The following CSDE1 variants were observed in gnomAD, a reference collection of about 807,000 sequenced individuals.
The protein encoded by CSDE1 is cold shock domain-containing protein E1.
A neutral mutation model predicts 89.3 loss-of-function variants in CSDE1; 17 were observed. The observed-to-expected ratio is 0.19, with a 90% CI of 0.13 to 0.29. The LOEUF (loss-of-function observed/expected upper bound fraction) is 0.29. CSDE1 is among the 10% of genes least tolerant of loss of function. The pLI is 1.00. For synonymous variants in CSDE1, 322 were observed against 332.8 expected (o/e 0.97, Z 0.35); for missense variants, 672 against 984.2 (o/e 0.68, Z 4.24).
intron 19 of CSDE1, 146 bp downstream of exon 19, chr1:114,718,467 C>A: frequency 1.7e-6 from 2 of 1,157,864 alleles, no homozygotes; most frequent in Non-Finnish European, 1.2e-6. Flanking sequence ...GGGGGCTGAA[C>A]CAATGTGTAG....
In CSDE1 at chr1:114,739,691, C is replaced by T; in HGVS notation, c.199+1G>A. ...TTTACAAAGGAGAACTGACAGATTA[C>T]CTCCTACTTTTAAGTCTTGCAGGTT... On this transcript the variant is annotated splice_donor_variant, in intron 3 of 19. Transcript: ENST00000358528. LOFTEE classifies it high-confidence loss of function. 1 of 1,599,370 alleles carries T rather than the reference C, an allele frequency of 6.3e-7. No homozygotes were observed. The highest frequency in any genetic ancestry group is 1.1e-5 in the South Asian group (1 of 90,778).
In CSDE1 at chr1:114,719,761, TAA is replaced by T; in HGVS notation, c.2053-21_2053-20del. 1.2e-6 allele frequency: 2 copies of T among 1,603,038 alleles called. No homozygotes were observed. Among genetic ancestry groups the T allele is most frequent in the Non-Finnish European group, 1.7e-6 (2 of 1,176,922 alleles). On this transcript the variant is annotated intron_variant, in intron 17 of 19. Transcript: ENST00000358528. Reference sequence around the variant, plus strand: ...AGCCAAACTGAAAAAAAAAAGTAGGTAAAAAAGAGAGGGCATGCCACACCTCA... The same window carrying T: ...AGCCAAACTGAAAAAAAAAAGTAGGTAAAAGAGAGGGCATGCCACACCTCA...
At chr1:114,755,044 T>A (rs912824723) in intron 1 of CSDE1, among the ~76,000 whole-genome samples, 2 of 152,226 alleles carry the variant, frequency 1.3e-5, no homozygotes, top group African/African-American at 2.4e-5. Flanking sequence ...TAATTAAACG[T>A]CTTATTTAAC....
chr1:114,741,686 A>G (rs775415929), intron 2 of CSDE1: 4 of 1,512,548 alleles, frequency 2.6e-6, no homozygotes, highest in Non-Finnish European at 3.6e-6. Flanking sequence ...GTTATAACAT[A>G]GCATAATGTT....
Position 114,727,039 on chromosome 1 carries a change from T to C in CSDE1, c.1408A>G (p.Ile470Val), listed in dbSNP as rs369025424. The C allele has an allele frequency of 3.7e-6, 6 of 1,613,754 alleles. No individual in the cohort carries two copies. The South Asian group carries it at 5.5e-5, about 15-fold the overall frequency. The part of the protein sequence containing the change: ...AYDDCGVKLT[I>V]AFQAKDVEGS... The stretch of plus-strand genomic sequence containing the variant: ...TCCACATCCTTGGCTTGAAAAGCAA[T>C]AGTCAGTTTCACCCCACAGTCATCA... Residue 470 changes from isoleucine to valine, a missense_variant, in exon 13 of 20, where the codon ATT becomes GTT. Transcript: ENST00000358528.
At chr1:114,751,202 A>G (rs1400972844) in intron 1 of CSDE1, among the ~76,000 whole-genome samples, 1 of 152,256 alleles carries the variant, frequency 6.6e-6, no homozygotes, top group African/African-American at 2.4e-5. Flanking sequence ...AAATGTCTAT[A>G]GAAGAGAAAT....
At chr1:114,736,383 C>T (rs755014406) in intron 6 of CSDE1, among the ~76,000 whole-genome samples, 4 of 152,116 alleles carry the variant, frequency 2.6e-5, no homozygotes, top group South Asian at 4.1e-4. Context: ...CTGGTCAGTT[C>T]GACCAAACTT....
rs1202388993 is a variant in CSDE1 at position 114,718,048 on chromosome 1, T to C, written c.*121A>G. ...GAGGAAGGTGTTAAAACTGGTGTAA[T>C]AGCTCAATAGAATAAGTATTCCAGA... On this transcript the variant is annotated 3_prime_UTR_variant, in exon 20 of 20. Coordinates refer to ENST00000358528, the MANE Select transcript of CSDE1 (RefSeq NM_001007553.3). 1.4e-5 allele frequency: 13 copies of C among 945,814 alleles called. No homozygotes were observed. Among genetic ancestry groups the C allele is most frequent in the East Asian group, 2.4e-5 (1 of 41,118 alleles). 58.6% of individuals were successfully genotyped at this position (945,814 alleles called of 1,614,324 possible). A position where few individuals can be genotyped will look rare whatever the true frequency, so the allele number is the denominator to read the frequency against.
At chr1:114,745,903 C>T (rs572049551) in intron 2 of CSDE1, among the ~76,000 whole-genome samples, 6 of 152,162 alleles carry the variant, frequency 3.9e-5, no homozygotes, top group South Asian at 4.1e-4. Context: ...TTTAACATCT[C>T]TGGGATTTTT....
At chr1:114,732,899 C>T (rs1272419270) in intron 9 of CSDE1, 83 bp from the exon 10 acceptor site, 4 of 1,199,822 alleles carry the variant, frequency 3.3e-6, no homozygotes, top group African/African-American at 3.0e-5. Context: ...ACATAGTAAA[C>T]CCATGTTATT....
intron 16 of CSDE1, among the ~76,000 whole-genome samples, chr1:114,721,703 C>T (rs1557989171): frequency 6.6e-6 from 1 of 152,120 alleles, no homozygotes; most frequent in Admixed American, 6.5e-5. Flanking sequence ...GATCCTCCCA[C>T]CTCAGCTCCT....
chr1:114,723,628 T>G (rs2101016884), intron 16 of CSDE1, among the ~76,000 whole-genome samples: 1 of 152,322 alleles, frequency 6.6e-6, no homozygotes, highest in South Asian at 2.1e-4. Context: ...TTGTTAAGTC[T>G]ATCTCAATAT....
intron 2 of CSDE1, 175 bp from the exon 3 acceptor site, chr1:114,740,065 G>A: frequency 5.7e-6 from 3 of 529,448 alleles, no homozygotes; most frequent in East Asian, 3.0e-5. Flanking sequence ...ACATTTCAGA[G>A]GAAACAACTT....
Position 114,720,722 on chromosome 1 carries a change from A to C in CSDE1, c.1874-5T>G, listed in dbSNP as rs1359344076. ...AGACCTCACCTTTCATATCGCCTGT[A>C]AAACAGGTACAAAGTCTAAAAGCTA... On this transcript the variant is annotated splice_polypyrimidine_tract_variant and splice_region_variant and intron_variant, in intron 16 of 19. Transcript: ENST00000358528. The C allele has an allele frequency of 6.2e-7, 1 of 1,613,714 alleles. No homozygotes were observed. The highest frequency in any genetic ancestry group is 8.5e-7 in the Non-Finnish European group (1 of 1,179,788).
rs1420485921 is a variant in CSDE1 at position 114,741,531 on chromosome 1, C to G, written c.1-1641G>C. 3.9e-6 allele frequency: 6 copies of G among 1,545,914 alleles called. No homozygotes were observed. The South Asian group carries it at 7.2e-5, about 19-fold the overall frequency. On this transcript the variant is annotated intron_variant, in intron 2 of 19. Transcript: ENST00000358528. ...ATGACTGCTTTCCTGACTTACAGATCTCTGATAAGTTGGGGTCCTCTTTTG... is the reference window on the plus strand; with the variant it reads ...ATGACTGCTTTCCTGACTTACAGATGTCTGATAAGTTGGGGTCCTCTTTTG...
intron 4 of CSDE1, 143 bp downstream of exon 4, chr1:114,737,820 T>C (rs1660486565): frequency 1.5e-6 from 1 of 671,158 alleles, no homozygotes; most frequent in Non-Finnish European, 2.6e-6. Flanking sequence ...CCAGTGCTTT[T>C]GATTAATTTT....
chr1:114,719,109 C>T (rs900108403), intron 18 of CSDE1, among the ~76,000 whole-genome samples: 1 of 152,110 alleles, frequency 6.6e-6, no homozygotes, highest in Middle Eastern at 3.2e-3. Context: ...CCCAGAAGTT[C>T]GAGATCAGCC....
At chr1:114,729,946 T>C (rs112391384) in intron 12 of CSDE1, among the ~76,000 whole-genome samples, 3 of 152,148 alleles carry the variant, frequency 2.0e-5, no homozygotes, top group East Asian at 3.9e-4. Context: ...CAGGGGACAT[T>C]TGGCAATGTC....
chr1:114,729,761 T>A (rs1490206381), intron 12 of CSDE1, among the ~76,000 whole-genome samples: 3 of 152,226 alleles, frequency 2.0e-5, no homozygotes, highest in Non-Finnish European at 4.4e-5. Flanking sequence ...GTTATTAACT[T>A]GAAAGGAGAA....
Sources: gnomAD v4.1 joint callset for allele counts (sites outside exome capture counted in the v4.1 genomes callset) on GRCh38, gnomAD v4.1.1 for gene constraint, MANE v1.5 for transcripts, NCBI Gene and HGNC (gene_info 2026-07-23, HGNC 2026-07-21) for gene names.